The following CSMD1 variants were observed in gnomAD, a reference collection of about 807,000 sequenced individuals.
CSMD1 encodes CUB and sushi domain-containing protein 1.
A neutral mutation model predicts 417.5 loss-of-function variants in CSMD1; 213 were observed. The observed-to-expected ratio is 0.51, with a 90% CI of 0.46 to 0.57. The LOEUF (loss-of-function observed/expected upper bound fraction) is 0.57. Ranked by LOEUF, CSMD1 falls within the 20% of genes least tolerant of loss-of-function variation. CSMD1 has a pLI of 0.00. For synonymous variants in CSMD1, 2,862 were observed against 1,736.8 expected (o/e 1.65, Z -16.11); for missense variants, 6,923 against 4,529.7 (o/e 1.53, Z -15.17).
intron 5 of CSMD1, among the ~76,000 whole-genome samples, chr8:3,941,233 TATTA>T (rs1411021606): frequency 6.6e-6 from 1 of 151,906 alleles, no homozygotes; most frequent in Non-Finnish European, 1.5e-5. Context: ...CTAGCAAATG[TATTA>T]ATTAAACATT....
chr8:4,398,450 G>T (rs1224997375), intron 3 of CSMD1, among the ~76,000 whole-genome samples: 1 of 135,694 alleles, frequency 7.4e-6, no homozygotes, highest in African/African-American at 2.8e-5. Context: ...CTGGAGCGCA[G>T]TGGTGCGATC....
intron 2 of CSMD1, among the ~76,000 whole-genome samples, chr8:4,591,548 G>C (rs553794805): frequency 1.3e-3 from 196 of 152,304 alleles, no homozygotes; most frequent in African/African-American, 4.5e-3. Flanking sequence ...AGGACACAGA[G>C]AGGACTGTAG....
intron 49 of CSMD1, among the ~76,000 whole-genome samples, chr8:3,081,382 T>C (rs1814085127): frequency 6.6e-6 from 1 of 152,238 alleles, no homozygotes; most frequent in Admixed American, 6.5e-5. Flanking sequence ...AACTCAAGGA[T>C]GAATGTAATA....
At chr8:3,038,814 G>A (rs149476249) in intron 50 of CSMD1, among the ~76,000 whole-genome samples, 4 of 152,144 alleles carry the variant, frequency 2.6e-5, no homozygotes, top group South Asian at 2.1e-4. Flanking sequence ...TGATGAAGAC[G>A]ACCTTAAACC....
Position 4,267,327 on chromosome 8 carries a change from A to G in CSMD1, c.415+152626T>C, listed in dbSNP as rs1431501753. ...GAAAATATAATTTAAAAATTATAAAATAGCAATTAGGATGAAAAAGTAACA... is the reference window on the plus strand; with the variant it reads ...GAAAATATAATTTAAAAATTATAAAGTAGCAATTAGGATGAAAAAGTAACA... On this transcript the variant is annotated intron_variant, in intron 3 of 69. Transcript: ENST00000635120. Among the ~76,000 whole-genome samples the G allele has an allele frequency of 1.9e-5, 2 of 103,712 alleles. 1 individual carries two copies. The highest frequency in any genetic ancestry group is 5.2e-5 in the Non-Finnish European group (2 of 38,644). 68.0% of individuals were successfully genotyped at this position (103,712 alleles called of 152,430 possible). A position where few individuals can be genotyped will look rare whatever the true frequency, so the allele number is the denominator to read the frequency against.
chr8:4,569,395 T>C (rs966418519), intron 2 of CSMD1, among the ~76,000 whole-genome samples: 9 of 152,208 alleles, frequency 5.9e-5, no homozygotes, highest in African/African-American at 1.9e-4. Flanking sequence ...ATGTATTAAA[T>C]AGGAAATCCT....
At chr8:4,952,391 A>T (rs1180875717) in intron 1 of CSMD1, among the ~76,000 whole-genome samples, 1 of 152,098 alleles carries the variant, frequency 6.6e-6, no homozygotes, top group Non-Finnish European at 1.5e-5. Flanking sequence ...ACACAGTTTC[A>T]CACTTAAAAA....
chr8:4,181,264 A>C (rs1367068642), intron 3 of CSMD1, among the ~76,000 whole-genome samples: 2 of 152,338 alleles, frequency 1.3e-5, no homozygotes, highest in South Asian at 2.1e-4. Flanking sequence ...GAACGTGCCC[A>C]ATCTCATCTG....
chr8:3,679,053 C>T (rs1426037061), intron 7 of CSMD1, among the ~76,000 whole-genome samples: 4 of 152,080 alleles, frequency 2.6e-5, no homozygotes, highest in South Asian at 2.1e-4. Context: ...TGGAAAGGAA[C>T]AACTGGTACT....
At chr8:3,247,652 C>A (rs1041331419) in intron 26 of CSMD1, among the ~76,000 whole-genome samples, 1 of 152,114 alleles carries the variant, frequency 6.6e-6, no homozygotes, top group African/African-American at 2.4e-5. Context: ...CAGGCAAGGC[C>A]CCCGCCCCCA....
At chr8:3,558,488 A>T (rs979197840) in intron 10 of CSMD1, among the ~76,000 whole-genome samples, 1 of 150,110 alleles carries the variant, frequency 6.7e-6, no homozygotes, top group South Asian at 2.1e-4. Context: ...CACTCCTCCA[A>T]TGATGAACGG....
intron 1 of CSMD1, among the ~76,000 whole-genome samples, chr8:4,810,739 A>G (rs1031567277): frequency 2.6e-5 from 4 of 152,222 alleles, no homozygotes; most frequent in Admixed American, 2.6e-4. Flanking sequence ...ATGTAACAAT[A>G]TATTTGCTCT....
At chr8:3,995,570 C>T (rs925701535) in intron 5 of CSMD1, among the ~76,000 whole-genome samples, 7 of 152,102 alleles carry the variant, frequency 4.6e-5, no homozygotes, top group African/African-American at 7.2e-5. Flanking sequence ...AAGAAAATGC[C>T]GTGGAGTCAG....
At chr8:3,380,686 C>T (rs1328682797) in intron 18 of CSMD1, among the ~76,000 whole-genome samples, 1 of 152,042 alleles carries the variant, frequency 6.6e-6, no homozygotes, top group Non-Finnish European at 1.5e-5. Context: ...GGGAGCTGAA[C>T]AATGAGAACA....
intron 10 of CSMD1, among the ~76,000 whole-genome samples, chr8:3,520,039 T>TATACACACAC (rs545212684): frequency 6.8e-6 from 1 of 147,110 alleles, no homozygotes; most frequent in South Asian, 2.1e-4. Context: ...TATATATATA[T>TATACACACAC]ACACGTATAG....
At chr8:3,896,325 T>C (rs1445229422) in intron 5 of CSMD1, among the ~76,000 whole-genome samples, 1 of 152,160 alleles carries the variant, frequency 6.6e-6, no homozygotes, top group Non-Finnish European at 1.5e-5. Context: ...TTTCCAGATT[T>C]CCATATACTC....
chr8:4,011,622 T>C (rs1481592293), intron 4 of CSMD1, among the ~76,000 whole-genome samples: 1 of 152,176 alleles, frequency 6.6e-6, no homozygotes, highest in Non-Finnish European at 1.5e-5. Flanking sequence ...TTAACATTCA[T>C]CCATTTCCTC....
chr8:4,351,907 C>G (rs1040860397), intron 3 of CSMD1, among the ~76,000 whole-genome samples: 1 of 150,634 alleles, frequency 6.6e-6, no homozygotes, highest in Non-Finnish European at 1.5e-5. Flanking sequence ...AGAAACCAAA[C>G]TGTAGAAACA....
chr8:3,787,343 A>G (rs554662894), intron 5 of CSMD1, among the ~76,000 whole-genome samples: 5 of 152,298 alleles, frequency 3.3e-5, no homozygotes, highest in Non-Finnish European at 7.4e-5. Context: ...AAACAGTTCA[A>G]TGTTGATGCC....
Sources: gnomAD v4.1 joint callset for allele counts (sites outside exome capture counted in the v4.1 genomes callset) on GRCh38, gnomAD v4.1.1 for gene constraint, MANE v1.5 for transcripts, NCBI Gene and HGNC (gene_info 2026-07-23, HGNC 2026-07-21) for gene names.